Variants in TYW1B observed in about 807,000 individuals in gnomAD.
TYW1B encodes the protein S-adenosyl-L-methionine-dependent tRNA 4-demethylwyosine synthase TYW1B.
TYW1B carries 73 observed loss-of-function variants against 86.9 expected under a neutral mutation model. The observed-to-expected ratio is 0.84, with a 90% CI of 0.70 to 1.02. TYW1B has a LOEUF of 1.02. Ranked by LOEUF, TYW1B falls within the 50% of genes least tolerant of loss-of-function variation. The pLI is 0.00. For missense variants in TYW1B, 637 were observed against 827.4 expected (o/e 0.77, Z 2.82); for synonymous variants, 248 against 292.8 (o/e 0.85, Z 1.56).
intron 13 of TYW1B, among the ~76,000 whole-genome samples, chr7:72,608,548 C>G (rs1554435290): frequency 2.0e-5 from 3 of 152,102 alleles, no homozygotes; most frequent in Admixed American, 1.3e-4. Context: ...ATGCACTCAA[C>G]AACAGTGCAG....
intron 11 of TYW1B, among the ~76,000 whole-genome samples, chr7:72,666,205 G>A (rs1554445222): frequency 1.3e-5 from 2 of 151,962 alleles, no homozygotes; most frequent in African/African-American, 4.8e-5. Flanking sequence ...CTTGAGCCCA[G>A]GAGTTCAAGA....
In TYW1B at chr7:72,783,197, G is replaced by T. The variant is rs1203930186; in HGVS notation, c.847-5664C>A. ...GCAGATCACTTGAGGTCAGGAGTTC[G>T]AGAACAGCCTGGCCAACATGATGAA... On this transcript the variant is annotated intron_variant, in intron 6 of 13. Coordinates refer to ENST00000620995, the MANE Select transcript of TYW1B (RefSeq NM_001145440.3). Among the ~76,000 whole-genome samples the T allele has an allele frequency of 4.6e-5, 7 of 151,916 alleles. No individual in the cohort carries two copies. In the South Asian group the frequency reaches 1.5e-3, roughly 32 times the overall value.
At chr7:72,659,636 G>T (rs1813284875) in intron 11 of TYW1B, among the ~76,000 whole-genome samples, 2 of 152,138 alleles carry the variant, frequency 1.3e-5, no homozygotes, top group South Asian at 2.1e-4. Context: ...GCAAGTTGAG[G>T]TCAAAATACG....
At chr7:72,769,778 C>G (rs1787834668) in intron 7 of TYW1B, among the ~76,000 whole-genome samples, 1 of 152,140 alleles carries the variant, frequency 6.6e-6, no homozygotes, top group South Asian at 2.1e-4. Flanking sequence ...ACGCACAACA[C>G]AAGATGTTCT....
intron 7 of TYW1B, among the ~76,000 whole-genome samples, chr7:72,757,490 A>C (rs1413768284): frequency 3.3e-5 from 5 of 152,188 alleles, no homozygotes; most frequent in Non-Finnish European, 7.4e-5. Context: ...AAAAGCTCAC[A>C]TAATCAAGAC....
chr7:72,653,431 C>T (rs1461833742), intron 11 of TYW1B, among the ~76,000 whole-genome samples: 1 of 151,654 alleles, frequency 6.6e-6, no homozygotes, highest in African/African-American at 2.4e-5. Context: ...ACAGTGAAAC[C>T]CCCGTCTCTT....
chr7:72,579,162 C>G (rs1585821808), intron 13 of TYW1B, among the ~76,000 whole-genome samples: 1 of 152,024 alleles, frequency 6.6e-6, no homozygotes, highest in Non-Finnish European at 1.5e-5. Context: ...AAACTGCAGG[C>G]AATGCACTTC....
At chr7:72,819,270 G>A (rs1204625621) in intron 2 of TYW1B, among the ~76,000 whole-genome samples, 2 of 152,138 alleles carry the variant, frequency 1.3e-5, no homozygotes, top group Non-Finnish European at 2.9e-5. Context: ...TCAGCGCAGG[G>A]TTTTAAGCAG....
intron 13 of TYW1B, among the ~76,000 whole-genome samples, chr7:72,583,959 G>C (rs1811215482): frequency 6.6e-6 from 1 of 152,364 alleles, no homozygotes; most frequent in East Asian, 1.9e-4. Context: ...ATGATCCCAT[G>C]TTACTGGTAG....
At chr7:72,640,322 A>G (rs1812773901) in intron 11 of TYW1B, among the ~76,000 whole-genome samples, 1 of 152,134 alleles carries the variant, frequency 6.6e-6, no homozygotes, top group Admixed American at 6.6e-5. Context: ...AAACCCAATT[A>G]CATGTTATTA....
intron 11 of TYW1B, among the ~76,000 whole-genome samples, chr7:72,674,210 A>C (rs1179499799): frequency 2.0e-5 from 3 of 152,170 alleles, no homozygotes; most frequent in Admixed American, 2.0e-4. Context: ...CATTAACAAG[A>C]GCACAAGGCC....
intron 13 of TYW1B, among the ~76,000 whole-genome samples, chr7:72,600,812 T>C (rs570565277): frequency 2.0e-5 from 3 of 151,910 alleles, no homozygotes; most frequent in Non-Finnish European, 4.4e-5. Flanking sequence ...CAGTGAGCCA[T>C]GACTGTGTCA....
intron 12 of TYW1B, among the ~76,000 whole-genome samples, chr7:72,617,911 T>C (rs1163794759): frequency 6.6e-6 from 1 of 152,174 alleles, no homozygotes; most frequent in Non-Finnish European, 1.5e-5. Context: ...ATAACTAAGT[T>C]CTTTATTTGG....
intron 11 of TYW1B, among the ~76,000 whole-genome samples, chr7:72,662,426 TATAG>T (rs10682366): frequency 0.054 from 6,406 of 118,540 alleles, 205 homozygotes; most frequent in East Asian, 0.088. Flanking sequence ...AATATATATA[TATAG>T]ATAGATAGAT....
chr7:72,595,405 A>G (rs142858723), intron 13 of TYW1B, among the ~76,000 whole-genome samples: 1 of 152,162 alleles, frequency 6.6e-6, no homozygotes, highest in East Asian at 1.9e-4. Context: ...TAGCCACCAT[A>G]GTGAGTGGTG....
At chr7:72,632,401 A>T (rs1443541618) in intron 11 of TYW1B, among the ~76,000 whole-genome samples, 1,968 of 95,670 alleles carry the variant, frequency 0.021, 76 homozygotes, top group African/African-American at 0.036. Flanking sequence ...TATATATATA[A>T]TATATATATA....
At chr7:72,680,026 G>T (rs1210952954) in intron 11 of TYW1B, among the ~76,000 whole-genome samples, 1 of 152,194 alleles carries the variant, frequency 6.6e-6, no homozygotes, top group Non-Finnish European at 1.5e-5. Flanking sequence ...CTACTTGGGA[G>T]GCTGAAGTGG....
intron 6 of TYW1B, among the ~76,000 whole-genome samples, chr7:72,791,725 G>C (rs1161130947): frequency 1.3e-5 from 2 of 152,078 alleles, no homozygotes; most frequent in Non-Finnish European, 2.9e-5. Context: ...TGCAGTGAGC[G>C]AGATGGCGCC....
intron 13 of TYW1B, among the ~76,000 whole-genome samples, chr7:72,593,989 C>T (rs1811467791): frequency 1.3e-5 from 2 of 151,754 alleles, no homozygotes; most frequent in Non-Finnish European, 2.9e-5. Flanking sequence ...GAAACCACCA[C>T]ATATCAAAAC....
Sources: allele counts gnomAD v4.1 joint callset (sites outside exome capture counted in the v4.1 genomes callset), GRCh38; gene constraint gnomAD v4.1.1; transcripts MANE v1.5; gene names NCBI Gene and HGNC (gene_info 2026-07-23, HGNC 2026-07-21).